The following PKP4 variants were observed in gnomAD, a reference collection of about 807,000 sequenced individuals.
PKP4 encodes plakophilin-4.
A neutral mutation model predicts 145.1 loss-of-function variants in PKP4; 90 were observed. That is an observed-to-expected ratio of 0.62 (90% CI 0.52 to 0.74). The LOEUF is 0.74. PKP4 is among the 30% of genes least tolerant of loss of function. The pLI is 0.00. For missense variants in PKP4, 1,340 were observed against 1,482.7 expected (o/e 0.90, Z 1.58); for synonymous variants, 563 against 577.2 (o/e 0.98, Z 0.35).
intron 1 of PKP4, among the ~76,000 whole-genome samples, chr2:158,489,335 A>G (rs1694616876): frequency 1.3e-5 from 2 of 152,186 alleles, no homozygotes; most frequent in African/African-American, 2.4e-5. Flanking sequence ...TGGCCACACT[A>G]TCTTAATCAT....
intron 2 of PKP4, among the ~76,000 whole-genome samples, chr2:158,551,092 AATT>A (rs2045583418): frequency 6.6e-6 from 1 of 152,060 alleles, no homozygotes; most frequent in African/African-American, 2.4e-5. Context: ...ATTAAGTATT[AATT>A]ATTATTCTGT....
At chr2:158,497,025 C>T (rs973163223) in intron 1 of PKP4, among the ~76,000 whole-genome samples, 1 of 151,990 alleles carries the variant, frequency 6.6e-6, no homozygotes, top group Non-Finnish European at 1.5e-5. Context: ...TGTTGATTTC[C>T]TTAAAAGAAT....
At chr2:158,605,914 T>C (rs1197693876) in intron 4 of PKP4, among the ~76,000 whole-genome samples, 1 of 152,190 alleles carries the variant, frequency 6.6e-6, no homozygotes, top group Non-Finnish European at 1.5e-5. Flanking sequence ...TGTGGCTGGT[T>C]CCTTTCACTT....
At chr2:158,498,441 G>A (rs1179653554) in intron 1 of PKP4, among the ~76,000 whole-genome samples, 3 of 152,172 alleles carry the variant, frequency 2.0e-5, no homozygotes, top group South Asian at 2.1e-4. Flanking sequence ...TTTTTGTTGT[G>A]AGATGCTTTA....
rs151314563 is a variant in PKP4, at chr2:158,680,785, G to A, written c.*108G>A. 8,559 of 1,008,838 alleles carry A rather than the reference G, an allele frequency of 8.5e-3. 77 individuals are homozygous for A. Among genetic ancestry groups the A allele is most frequent in the Middle Eastern group, 0.029 (134 of 4,628 alleles). 62.5% of individuals were successfully genotyped at this position (1,008,838 alleles called of 1,614,324 possible). On this transcript the variant is annotated 3_prime_UTR_variant, in exon 22 of 22. Transcript: ENST00000389759. ...TTGAAATGTGAAAGTGAAGTGGAAGGAATGAATGAAGTGTGTTTTTTTTTT... is the reference window on the plus strand; with the variant it reads ...TTGAAATGTGAAAGTGAAGTGGAAGAAATGAATGAAGTGTGTTTTTTTTTT...
chr2:158,663,134 G>A (rs910286990), intron 14 of PKP4, 46 bp downstream of exon 14: 1 of 1,539,656 alleles, frequency 6.5e-7, no homozygotes, highest in African/African-American at 1.4e-5. Context: ...AATTTTTCTG[G>A]GAGTGAGGAA....
intron 9 of PKP4, among the ~76,000 whole-genome samples, chr2:158,640,225 A>G (rs1231741032): frequency 1.3e-5 from 2 of 152,184 alleles, no homozygotes; most frequent in Admixed American, 6.5e-5. Context: ...GTCTGTTCCC[A>G]CCAGCCCTTC....
At chr2:158,612,278 T>C (rs1267311828) in intron 4 of PKP4, among the ~76,000 whole-genome samples, 1 of 152,220 alleles carries the variant, frequency 6.6e-6, no homozygotes, top group Non-Finnish European at 1.5e-5. Context: ...TCTGTGACTT[T>C]TAAGTTTTTC....
chr2:158,667,209 G>T (rs530050646), intron 16 of PKP4, among the ~76,000 whole-genome samples: 124 of 152,304 alleles, frequency 8.1e-4, no homozygotes, highest in Non-Finnish European at 1.6e-3. Context: ...CTGCGGCATT[G>T]CCACATCCTA....
At chr2:158,495,366 C>A (rs201322692) in intron 1 of PKP4, among the ~76,000 whole-genome samples, 85 of 93,058 alleles carry the variant, frequency 9.1e-4, no homozygotes, top group Non-Finnish European at 7.7e-4. Context: ...AAAAAAAAAA[C>A]AACAAAGCCC....
intron 9 of PKP4, among the ~76,000 whole-genome samples, chr2:158,636,381 T>G (rs796513115): frequency 2.6e-4 from 40 of 152,286 alleles, no homozygotes; most frequent in African/African-American, 9.1e-4. Flanking sequence ...TTGTTTCTGT[T>G]GATAAGGCAG....
chr2:158,521,000 A>G (rs1219806971), intron 1 of PKP4, among the ~76,000 whole-genome samples: 2 of 152,210 alleles, frequency 1.3e-5, no homozygotes, highest in Non-Finnish European at 2.9e-5. Flanking sequence ...TAGTCACTTG[A>G]GTTGTTAGCA....
At chr2:158,675,225 A>G (rs891783724) in intron 19 of PKP4, among the ~76,000 whole-genome samples, 14 of 152,194 alleles carry the variant, frequency 9.2e-5, no homozygotes, top group African/African-American at 3.4e-4. Context: ...AGCTTGTCCA[A>G]TCTGCGGCCC....
intron 1 of PKP4, among the ~76,000 whole-genome samples, chr2:158,517,983 A>G (rs1016703697): frequency 1.3e-5 from 2 of 152,192 alleles, no homozygotes; most frequent in Admixed American, 1.3e-4. Flanking sequence ...ATAAGTTTAA[A>G]ATTTTTTTCT....
At chr2:158,519,746 C>T (rs2105558895) in intron 1 of PKP4, among the ~76,000 whole-genome samples, 1 of 152,174 alleles carries the variant, frequency 6.6e-6, no homozygotes, top group Middle Eastern at 3.4e-3. Context: ...TGAGAAAATG[C>T]CTTTTCTATT....
At chr2:158,670,888 T>G (rs2057496555) in intron 17 of PKP4, among the ~76,000 whole-genome samples, 1 of 152,186 alleles carries the variant, frequency 6.6e-6, no homozygotes, top group East Asian at 1.9e-4. Context: ...TAGCAGTGAC[T>G]ATAAGTTTGC....
intron 1 of PKP4, among the ~76,000 whole-genome samples, chr2:158,506,137 A>G (rs2040954688): frequency 6.6e-6 from 1 of 152,234 alleles, no homozygotes; most frequent in Non-Finnish European, 1.5e-5. Context: ...TTGCTTGAAC[A>G]TGGCAATTGA....
At chr2:158,470,993 C>G (rs2105401852) in intron 1 of PKP4, among the ~76,000 whole-genome samples, 1 of 152,146 alleles carries the variant, frequency 6.6e-6, no homozygotes, top group South Asian at 2.1e-4. Flanking sequence ...TTAAGCCATC[C>G]CAATTTAAAA....
At chr2:158,662,381 GT>G (rs770571474) in intron 13 of PKP4, 3 of 152,518 alleles carry the variant, frequency 2.0e-5, no homozygotes, top group Non-Finnish European at 4.4e-5. Flanking sequence ...AATCAGAGGT[GT>G]GATGCAGTCT....
Sources: allele counts gnomAD v4.1 joint callset (sites outside exome capture counted in the v4.1 genomes callset), GRCh38; gene constraint gnomAD v4.1.1; transcripts MANE v1.5; gene names NCBI Gene and HGNC (gene_info 2026-07-23, HGNC 2026-07-21).